Variants in SORBS2 observed in about 807,000 individuals in gnomAD.
SORBS2 encodes sorbin and SH3 domain-containing protein 2.
Under a neutral mutation model 97.7 loss-of-function variants are expected in SORBS2, and 46 were observed. That is an observed-to-expected ratio of 0.47 (90% CI 0.37 to 0.60). SORBS2 has a LOEUF of 0.60. Among genes scored for constraint, SORBS2 ranks in the 20% least tolerant of loss-of-function variants. The pLI is 0.00. For synonymous variants in SORBS2, 476 were observed against 473.4 expected (o/e 1.01, Z -0.07); for missense variants, 1,316 against 1,282.3 (o/e 1.03, Z -0.40).
At chr4:185,896,931 A>G (rs1297868334) in intron 1 of SORBS2, among the ~76,000 whole-genome samples, 1 of 151,148 alleles carries the variant, frequency 6.6e-6, no homozygotes, top group Non-Finnish European at 1.5e-5. Flanking sequence ...GATTGGTTGT[A>G]TTACAAAGCA....
At chr4:185,594,123 A>G (rs755977160) in intron 12 of SORBS2, 188 bp from the exon 25 acceptor site, 17 of 563,440 alleles carry the variant, frequency 3.0e-5, no homozygotes, top group Non-Finnish European at 4.7e-5. Context: ...GGAGCTTTAA[A>G]TTAAAGCAAA....
intron 12 of SORBS2, among the ~76,000 whole-genome samples, chr4:185,597,947 C>T (rs2096153707): frequency 6.6e-6 from 1 of 152,172 alleles, no homozygotes; most frequent in Non-Finnish European, 1.5e-5. Flanking sequence ...CTTCCCTCCC[C>T]ACGTTTTAAA....
intron 2 of SORBS2, among the ~76,000 whole-genome samples, chr4:185,735,431 T>C (rs2098677870): frequency 6.6e-6 from 1 of 151,260 alleles, no homozygotes; most frequent in Non-Finnish European, 1.5e-5. Context: ...TCTGCAAATT[T>C]GGTAGGAAAG....
At chr4:185,602,102 C>T (rs550216753) in intron 12 of SORBS2, among the ~76,000 whole-genome samples, 2 of 152,300 alleles carry the variant, frequency 1.3e-5, no homozygotes, top group Admixed American at 6.5e-5. Flanking sequence ...CCTCTGCCTC[C>T]CGGGTTCAAG....
chr4:185,587,607 A>G (rs771720037), exon 15 of SORBS2: 13 of 1,610,964 alleles, frequency 8.1e-6, no homozygotes, highest in Non-Finnish European at 1.1e-5. Context: ...GGCGGCCTCT[A>G]CAGAAGGAGG....
intron 9 of SORBS2, among the ~76,000 whole-genome samples, chr4:185,618,060 T>C (rs1254799960): frequency 6.6e-6 from 1 of 152,200 alleles, no homozygotes; most frequent in Non-Finnish European, 1.5e-5. Context: ...TGGCAGCGTC[T>C]ACCTCCCGGT....
chr4:185,651,393 CTTTG>C (rs998369540), intron 2 of SORBS2, among the ~76,000 whole-genome samples: 9 of 152,240 alleles, frequency 5.9e-5, no homozygotes, highest in Non-Finnish European at 1.0e-4. Flanking sequence ...TCACAGAATA[CTTTG>C]TTTGACTTGT....
intron 1 of SORBS2, among the ~76,000 whole-genome samples, chr4:185,821,182 C>A (rs907970993): frequency 6.6e-6 from 1 of 152,152 alleles, no homozygotes; most frequent in South Asian, 2.1e-4. Context: ...AGGGGCCACA[C>A]GCGAGCTAAG....
At chr4:185,588,593 C>CCTCCTCCTCCCTCCT in intron 14 of SORBS2, among the ~76,000 whole-genome samples, 1 of 65,282 alleles carries the variant, frequency 1.5e-5, no homozygotes, top group South Asian at 5.1e-4. Context: ...CGTTTCTCCT[C>CCTCCTCCTCCCTCCT]CCTCCTCCTC....
intron 11 of SORBS2, among the ~76,000 whole-genome samples, chr4:185,614,164 T>G (rs1312677396): frequency 2.9e-5 from 4 of 138,942 alleles, no homozygotes; most frequent in East Asian, 2.0e-4. Flanking sequence ...TTTGTGTTTT[T>G]TTTTTTTTTT....
At chr4:185,598,429 G>A (rs2096170990) in intron 12 of SORBS2, among the ~76,000 whole-genome samples, 1 of 152,176 alleles carries the variant, frequency 6.6e-6, no homozygotes, top group Admixed American at 6.5e-5. Context: ...TCATAAGGAA[G>A]CTGGTTTGAA....
intron 12 of SORBS2, among the ~76,000 whole-genome samples, chr4:185,597,570 T>C (rs2096137854): frequency 6.6e-6 from 1 of 152,192 alleles, no homozygotes; most frequent in Admixed American, 6.5e-5. Context: ...TGCACGCTAT[T>C]GCATGAAAGA....
In SORBS2 at chr4:185,649,558, C is replaced by T. The variant is rs1274124656; in HGVS notation, c.190G>A (p.Ala64Thr). The T allele has an allele frequency of 2.5e-6, 4 of 1,605,830 alleles. No individual in the cohort carries two copies. In the African/African-American group the frequency reaches 5.4e-5, roughly 22 times the overall value. ...ACTGGGGAGGACGCATCCTTAAAGG[C>T]ATTGGGGCTGTTGTCGGAGTGGCTT... The change falls in exon 3 of 15, where the codon GCC becomes ACC. Residue 64 changes from alanine (A) to threonine (T), a missense_variant. By Grantham distance (58) the Ala-to-Thr change is moderately conservative. Coordinates refer to ENST00000418609, the Ensembl canonical transcript of SORBS2.
intron 1 of SORBS2, among the ~76,000 whole-genome samples, chr4:185,840,203 T>A (rs2099210651): frequency 6.6e-6 from 1 of 152,190 alleles, no homozygotes; most frequent in Admixed American, 6.5e-5. Flanking sequence ...AAGAATATTG[T>A]TTGGGTAAAC....
intron 4 of SORBS2, chr4:185,635,411 G>C: frequency 6.2e-7 from 1 of 1,612,922 alleles, no homozygotes; most frequent in Non-Finnish European, 8.5e-7. Context: ...TTTTTAGGAG[G>C]CTGGGTGTAG....
At chr4:185,723,517 T>C (rs1583449843) in intron 2 of SORBS2, among the ~76,000 whole-genome samples, 1 of 152,350 alleles carries the variant, frequency 6.6e-6, no homozygotes, top group South Asian at 2.1e-4. Flanking sequence ...CCCGTACCAG[T>C]GCACTCAAAT....
At chr4:185,909,930 G>A (rs2149872974) in intron 1 of SORBS2, among the ~76,000 whole-genome samples, 1 of 149,612 alleles carries the variant, frequency 6.7e-6, no homozygotes, top group African/African-American at 2.5e-5. Flanking sequence ...GTTGAAGTGA[G>A]CTGAGATCGC....
At chr4:185,822,771 C>T (rs2099197521) in intron 1 of SORBS2, among the ~76,000 whole-genome samples, 1 of 152,196 alleles carries the variant, frequency 6.6e-6, no homozygotes, top group Admixed American at 6.5e-5. Flanking sequence ...TCCTGCAAAC[C>T]ATGCCCCTTG....
At chr4:185,739,444 T>C (rs1395109596) in intron 2 of SORBS2, among the ~76,000 whole-genome samples, 2 of 152,240 alleles carry the variant, frequency 1.3e-5, no homozygotes, top group African/African-American at 4.8e-5. Context: ...AAAATGCATG[T>C]ATTTGTTATT....
Sources: allele counts gnomAD v4.1 joint callset (sites outside exome capture counted in the v4.1 genomes callset), GRCh38; gene constraint gnomAD v4.1.1; transcripts MANE v1.5; gene names NCBI Gene and HGNC (gene_info 2026-07-23, HGNC 2026-07-21).